The following EPB41L2 variants were observed in gnomAD, a reference collection of about 807,000 sequenced individuals.
EPB41L2 encodes band 4.1-like protein 2.
In EPB41L2, 43 loss-of-function variants were observed where a neutral mutation model predicts 113.0. That is an observed-to-expected ratio of 0.38 (90% CI 0.30 to 0.49). The LOEUF (loss-of-function observed/expected upper bound fraction) is 0.49. Ranked by LOEUF, EPB41L2 falls within the 20% of genes least tolerant of loss-of-function variation. The pLI, the probability that EPB41L2 is intolerant of heterozygous loss-of-function variation, is 0.95. For missense variants in EPB41L2, 1,147 were observed against 1,223.4 expected, an observed-to-expected ratio of 0.94 and a Z score of 0.93; for synonymous variants, 442 against 436.7, an observed-to-expected ratio of 1.01 and a Z score of -0.15.
intron 13 of EPB41L2, among the ~76,000 whole-genome samples, chr6:130,879,707 A>G (rs1236322460): frequency 1.3e-5 from 2 of 152,188 alleles, no homozygotes; most frequent in Non-Finnish European, 2.9e-5. Flanking sequence ...TAACCAAAAA[A>G]AACAAAAAAA....
intron 4 of EPB41L2, among the ~76,000 whole-genome samples, chr6:130,916,779 C>T (rs193241005): frequency 1.3e-5 from 2 of 152,304 alleles, no homozygotes; most frequent in Admixed American, 6.5e-5. Flanking sequence ...CTAGGGTGAG[C>T]GCTAGAGTTC....
intron 3 of EPB41L2, among the ~76,000 whole-genome samples, chr6:130,954,456 T>G (rs1459396942): frequency 1.3e-5 from 2 of 152,134 alleles, no homozygotes; most frequent in Non-Finnish European, 2.9e-5. Context: ...TATTGATTCT[T>G]AATCAATAAA....
intron 1 of EPB41L2, among the ~76,000 whole-genome samples, chr6:130,973,058 G>A (rs1355759175): frequency 6.6e-6 from 1 of 151,908 alleles, no homozygotes; most frequent in East Asian, 1.9e-4. Flanking sequence ...GTTGCAGTGA[G>A]CCGAGATCGT....
At chr6:130,923,350 T>C (rs1803514822) in intron 4 of EPB41L2, among the ~76,000 whole-genome samples, 1 of 152,172 alleles carries the variant, frequency 6.6e-6, no homozygotes, top group Admixed American at 6.5e-5. Flanking sequence ...CTATCAATGG[T>C]TTGCCATTTT....
chr6:131,016,160 C>T (rs1788145403), intron 1 of EPB41L2, among the ~76,000 whole-genome samples: 1 of 152,112 alleles, frequency 6.6e-6, no homozygotes, highest in Non-Finnish European at 1.5e-5. Context: ...TCCAAGCTGG[C>T]TTGGGATAAT....
At chr6:130,887,125 G>C (rs972358635) in intron 11 of EPB41L2, among the ~76,000 whole-genome samples, 2 of 152,104 alleles carry the variant, frequency 1.3e-5, no homozygotes, top group Non-Finnish European at 2.9e-5. Flanking sequence ...ATTAAAATTT[G>C]AATATCAAAT....
chr6:130,923,663 T>C (rs528824973), intron 4 of EPB41L2, among the ~76,000 whole-genome samples: 1 of 152,292 alleles, frequency 6.6e-6, no homozygotes, highest in Non-Finnish European at 1.5e-5. Flanking sequence ...TGCAGAGTAG[T>C]AATCAAAATT....
At chr6:131,053,434 TAAAAAAAAAAAAA>T (rs71030727) in intron 1 of EPB41L2, among the ~76,000 whole-genome samples, 4 of 88,876 alleles carry the variant, frequency 4.5e-5, no homozygotes, top group East Asian at 2.8e-4. Context: ...ATGGAAATGA[TAAAAAAAAAAAAA>T]AAAAAAAAAA....
At chr6:131,024,098 AAAGG>A (rs1176685012) in intron 1 of EPB41L2, among the ~76,000 whole-genome samples, 2 of 152,138 alleles carry the variant, frequency 1.3e-5, no homozygotes, top group Non-Finnish European at 2.9e-5. Flanking sequence ...GCAGAATCAC[AAAGG>A]AAGGAGAAGC....
Position 130,900,957 on chromosome 6 carries a change from C to A in EPB41L2, c.1148+5G>T. On this transcript the variant is annotated splice_donor_5th_base_variant and intron_variant, in intron 7 of 19. Transcript: ENST00000337057. ...CCATTCTCTCCAGTAAGCAAGGCAA[C>A]AGACCTGTGGGTTTTGTGCAGCTCT... 1 of 1,614,066 alleles carries A rather than the reference C, an allele frequency of 6.2e-7. No individual in the cohort carries two copies. The highest frequency in any genetic ancestry group is 8.5e-7 in the Non-Finnish European group (1 of 1,179,946).
At chr6:130,908,154 G>A (rs1446598002) in intron 5 of EPB41L2, among the ~76,000 whole-genome samples, 1 of 152,220 alleles carries the variant, frequency 6.6e-6, no homozygotes, top group Non-Finnish European at 1.5e-5. Context: ...ACAACCTGCA[G>A]AGGCAGAACG....
chr6:130,967,112 G>A (rs1009082476), intron 1 of EPB41L2, among the ~76,000 whole-genome samples: 2 of 152,022 alleles, frequency 1.3e-5, no homozygotes, highest in East Asian at 1.9e-4. Flanking sequence ...CAGTATCTGT[G>A]GGGGATTGGT....
intron 1 of EPB41L2, among the ~76,000 whole-genome samples, chr6:131,001,755 A>G (rs1270370578): frequency 6.6e-6 from 1 of 152,036 alleles, no homozygotes; most frequent in African/African-American, 2.4e-5. Context: ...CCCTACCTAT[A>G]AGTAGATCCT....
At chr6:130,924,040 A>G (rs1803776320) in intron 4 of EPB41L2, among the ~76,000 whole-genome samples, 1 of 152,106 alleles carries the variant, frequency 6.6e-6, no homozygotes, top group East Asian at 1.9e-4. Flanking sequence ...GAGTCTGACT[A>G]CTTTAGATAC....
chr6:130,929,991 T>C (rs1314158372), intron 3 of EPB41L2, among the ~76,000 whole-genome samples: 1 of 152,060 alleles, frequency 6.6e-6, no homozygotes, highest in African/African-American at 2.4e-5. Flanking sequence ...AACCTATATT[T>C]GCCAAAGTTA....
chr6:131,018,070 C>G (rs1314293973), intron 1 of EPB41L2, among the ~76,000 whole-genome samples: 2 of 152,132 alleles, frequency 1.3e-5, no homozygotes, highest in Non-Finnish European at 2.9e-5. Flanking sequence ...CCAAGGCTAC[C>G]TAAAGGCCTA....
At chr6:130,970,460 T>A (rs182655770) in intron 1 of EPB41L2, 1 of 152,300 alleles carries the variant, frequency 6.6e-6, no homozygotes, top group Non-Finnish European at 1.5e-5. Context: ...CCAAGTCACT[T>A]CATTCCTCAG....
intron 10 of EPB41L2, 64 bp from the exon 11 acceptor site, chr6:130,890,530 A>AT: frequency 2.0e-6 from 3 of 1,526,642 alleles, no homozygotes; most frequent in Non-Finnish European, 2.6e-6. Context: ...ACTTTACGGA[A>AT]TTTTTTAAAA....
intron 1 of EPB41L2, among the ~76,000 whole-genome samples, chr6:131,058,876 C>T (rs1019595609): frequency 1.3e-5 from 2 of 152,050 alleles, no homozygotes; most frequent in Admixed American, 6.6e-5. Context: ...ATTAGCCGGG[C>T]ATGGTGGCAC....
Sources: gnomAD v4.1 joint callset for allele counts (sites outside exome capture counted in the v4.1 genomes callset) on GRCh38, gnomAD v4.1.1 for gene constraint, MANE v1.5 for transcripts, NCBI Gene and HGNC (gene_info 2026-07-23, HGNC 2026-07-21) for gene names.